GNPTAB: variants seen among roughly 807,000 people sequenced by gnomAD.
The protein encoded by GNPTAB is N-acetylglucosamine-1-phosphate transferase subunits alpha and beta.
In GNPTAB, 92 loss-of-function variants were observed where a neutral mutation model predicts 136.6. That is an observed-to-expected ratio of 0.67 (90% confidence interval 0.57 to 0.80). The LOEUF (loss-of-function observed/expected upper bound fraction) is 0.80, where lower values mean the gene tolerates loss of function less well. Ranked by LOEUF, GNPTAB falls within the 30% of genes least tolerant of loss-of-function variation. The pLI, the probability that GNPTAB is intolerant of heterozygous loss-of-function variation, is 0.00. For synonymous variants in GNPTAB, 512 were observed against 535.1 expected, an observed-to-expected ratio of 0.96 and a Z score of 0.60; for missense variants, 1,343 against 1,501.8, an observed-to-expected ratio of 0.89 and a Z score of 1.75.
Position 101,770,098 on chromosome 12 carries a change from T to C in GNPTAB, c.1207A>G (p.Ile403Val), listed in dbSNP as rs761827645. ...HRIEGLSQKFIYLNDDVMFGK... is the reference protein window; with the variant it reads ...HRIEGLSQKFVYLNDDVMFGK... ...AACATGACATCATCATTTAGGTAAA[T>C]AAACTTCTGGGACAGCCCTTCGATG... The change falls in exon 10 of 21, where the codon ATT becomes GTT. Residue 403 changes from isoleucine (I) to valine (V), a missense_variant. Transcript: ENST00000299314. 3 of 1,613,964 alleles carry C rather than the reference T, an allele frequency of 1.9e-6. No homozygotes were observed. In the African/African-American group the frequency reaches 4.0e-5, roughly 22 times the overall value.
chr12:101,757,496 T>C, intron 17 of GNPTAB, 76 bp downstream of exon 17: 1 of 855,930 alleles, frequency 1.2e-6, no homozygotes, highest in Non-Finnish European at 2.0e-6. Flanking sequence ...AGACAAAATA[T>C]TGTAGAATTA....
intron 1 of GNPTAB, among the ~76,000 whole-genome samples, chr12:101,815,480 T>G (rs1870470230): frequency 6.6e-6 from 1 of 152,124 alleles, no homozygotes; most frequent in Non-Finnish European, 1.5e-5. Context: ...GGCATGGTGG[T>G]GTACACCCAT....
chr12:101,782,954 CT>C, intron 5 of GNPTAB, among the ~76,000 whole-genome samples: 1 of 152,066 alleles, frequency 6.6e-6, no homozygotes, highest in Non-Finnish European at 1.5e-5. Flanking sequence ...CAAAAGTCAC[CT>C]TCTGAGTGAG....
intron 2 of GNPTAB, among the ~76,000 whole-genome samples, chr12:101,791,316 C>A (rs897500507): frequency 3.3e-5 from 5 of 152,162 alleles, no homozygotes; most frequent in African/African-American, 1.2e-4. Context: ...TGACTTATGA[C>A]ACAGGAGTTC....
intron 19 of GNPTAB, among the ~76,000 whole-genome samples, chr12:101,752,082 A>T: frequency 6.6e-6 from 1 of 151,950 alleles, no homozygotes; most frequent in East Asian, 1.9e-4. Flanking sequence ...GCTAGTGATT[A>T]TTCCCACAGT....
chr12:101,824,432 A>ATATATATT (rs1188582277), intron 1 of GNPTAB, among the ~76,000 whole-genome samples: 10 of 50,868 alleles, frequency 2.0e-4, no homozygotes, highest in African/African-American at 6.8e-4. Flanking sequence ...ATATATATAT[A>ATATATATT]TTTTCTTTTT....
chr12:101,796,621 A>G, intron 2 of GNPTAB, 56 bp downstream of exon 2: 1 of 1,141,330 alleles, frequency 8.8e-7, no homozygotes, highest in Non-Finnish European at 1.3e-6. Flanking sequence ...CAGGATGGCT[A>G]TTTCATGACT....
Position 101,760,089 on chromosome 12 carries a change from C to A in GNPTAB, c.3190G>T (p.Asp1064Tyr). The A allele has an allele frequency of 6.2e-7, 1 of 1,613,816 alleles. No homozygotes were observed. The highest frequency in any genetic ancestry group is 8.5e-7 in the Non-Finnish European group (1 of 1,179,746). The change falls in exon 16 of 21, where the codon GAT becomes TAT. Residue 1064 changes from aspartate (D) to tyrosine (Y), a missense_variant. Physicochemically the swap from Asp to Tyr is radical, Grantham distance 160. Transcript: ENST00000299314. ...LINCSKMLPA[D>Y]ITQLNNIPPT... ...GGAATATTATTTAGCTGCGTGATAT[C>A]AGCAGGAAGCATTTTTGAGCAATTT...
chr12:101,801,574 A>T (rs1316916039), intron 1 of GNPTAB, among the ~76,000 whole-genome samples: 14 of 149,850 alleles, frequency 9.3e-5, no homozygotes, highest in Admixed American at 2.7e-4. Context: ...AAAACTGGAA[A>T]AAAATTTAAA....
In GNPTAB at chr12:101,826,961, T is replaced by G. The variant is rs1047412423; in HGVS notation, c.117+3598A>C. Reference sequence around the variant, plus strand: ...TCCCTGTGGGAGTTGTTTTTTTTTTTTTTTTTTTTTTTTTTTTGAGACCAG... The same window carrying G: ...TCCCTGTGGGAGTTGTTTTTTTTTTGTTTTTTTTTTTTTTTTTGAGACCAG... On this transcript the variant is annotated intron_variant, in intron 1 of 20. Coordinates refer to ENST00000299314, the MANE Select transcript of GNPTAB (RefSeq NM_024312.5). 9.9e-3 allele frequency among the ~76,000 whole-genome samples: 1,343 copies of G among 135,822 alleles called. 22 individuals are homozygous for G. Among genetic ancestry groups the G allele is most frequent in the Non-Finnish European group, 0.014 (918 of 63,456 alleles). 89.1% of individuals were successfully genotyped at this position (135,822 alleles called of 152,430 possible). A position where few individuals can be genotyped will look rare whatever the true frequency, so the allele number is the denominator to read the frequency against.
chr12:101,756,537 G>A (rs1415538466), intron 18 of GNPTAB: 1 of 355,496 alleles, frequency 2.8e-6, no homozygotes, highest in Non-Finnish European at 5.6e-6. Flanking sequence ...TTGCATTACT[G>A]CATTCCAGCT....
intron 1 of GNPTAB, among the ~76,000 whole-genome samples, chr12:101,828,301 T>A (rs1871204871): frequency 6.6e-6 from 1 of 152,056 alleles, no homozygotes; most frequent in South Asian, 2.1e-4. Flanking sequence ...TCAGAGAGGT[T>A]AAATATCCTT....
At chr12:101,773,620 G>A (rs1386782762) in intron 7 of GNPTAB, 1 of 153,446 alleles carries the variant, frequency 6.5e-6, no homozygotes, top group African/African-American at 2.4e-5. Context: ...ATGCATAAAA[G>A]AGCAAGAAGA....
chr12:101,779,073 T>C (rs1432933200), intron 7 of GNPTAB: 2 of 152,018 alleles, frequency 1.3e-5, no homozygotes, highest in African/African-American at 4.8e-5. Flanking sequence ...GGGGTGCATA[T>C]AAAAACATGG....
intron 11 of GNPTAB, 30 bp downstream of exon 11, chr12:101,768,007 T>A (rs1429467050): frequency 1.9e-6 from 3 of 1,610,240 alleles, no homozygotes; most frequent in Non-Finnish European, 1.7e-6. Context: ...TCCATAAAAA[T>A]GAACGAATTA....
chr12:101,775,274 G>GA (rs1219057423), intron 7 of GNPTAB, among the ~76,000 whole-genome samples: 1 of 151,698 alleles, frequency 6.6e-6, no homozygotes, highest in Non-Finnish European at 1.5e-5. Flanking sequence ...AATCTGTTAG[G>GA]AAAAAAACCC....
chr12:101,804,115 C>T (rs1869803831), intron 1 of GNPTAB, among the ~76,000 whole-genome samples: 1 of 151,978 alleles, frequency 6.6e-6, no homozygotes, highest in Non-Finnish European at 1.5e-5. Flanking sequence ...GTAGCACTCA[C>T]TGGCAGGAGA....
intron 9 of GNPTAB, 44 bp from the exon 10 acceptor site, chr12:101,770,235 T>C: frequency 6.2e-7 from 1 of 1,602,582 alleles, no homozygotes; most frequent in South Asian, 1.1e-5. Flanking sequence ...ATGAGAGCTG[T>C]TTGGGTTTGG....
At chr12:101,812,397 T>C (rs1212870362) in intron 1 of GNPTAB, among the ~76,000 whole-genome samples, 1 of 152,208 alleles carries the variant, frequency 6.6e-6, no homozygotes, top group Non-Finnish European at 1.5e-5. Context: ...ACATGAGATT[T>C]GGTCAGGGAC....
Sources: gnomAD v4.1 joint callset for allele counts (sites outside exome capture counted in the v4.1 genomes callset) on GRCh38, gnomAD v4.1.1 for gene constraint, MANE v1.5 for transcripts, NCBI Gene and HGNC (gene_info 2026-07-23, HGNC 2026-07-21) for gene names.